Variants in KLHL5 observed in about 807,000 individuals in gnomAD.
The protein encoded by KLHL5 is kelch-like protein 5.
KLHL5 carries 48 observed loss-of-function variants against 77.7 expected under a neutral mutation model. That is an observed-to-expected ratio of 0.62 (90% CI 0.49 to 0.79). The LOEUF is 0.79. Among genes scored for constraint, KLHL5 ranks in the 30% least tolerant of loss-of-function variants. KLHL5 has a pLI of 0.00. For missense variants in KLHL5, 723 were observed against 859.7 expected (o/e 0.84, Z 1.99); for synonymous variants, 260 against 297.0 (o/e 0.88, Z 1.28).
At chr4:39,049,657 C>T (rs1043276343) in intron 1 of KLHL5, among the ~76,000 whole-genome samples, 48 of 151,830 alleles carry the variant, frequency 3.2e-4, no homozygotes, top group African/African-American at 1.1e-3. Flanking sequence ...CATGATCAGG[C>T]CACTGCCCTC....
At chr4:39,098,135 C>CA (rs571749349) in intron 6 of KLHL5, among the ~76,000 whole-genome samples, 1,058 of 70,624 alleles carry the variant, frequency 0.015, 13 homozygotes, top group Middle Eastern at 0.092. Context: ...GAATCCATCT[C>CA]AAAAAAAAAA....
intron 1 of KLHL5, among the ~76,000 whole-genome samples, chr4:39,047,305 C>A (rs1716265982): frequency 6.6e-6 from 1 of 152,146 alleles, no homozygotes; most frequent in Non-Finnish European, 1.5e-5. Flanking sequence ...GTAGTCCCAG[C>A]TACTAAGGAG....
At chr4:39,128,811 T>A (rs1723676377), downstream of KLHL5, among the ~76,000 whole-genome samples, 1 of 151,898 alleles carries the variant, frequency 6.6e-6, no homozygotes, top group Non-Finnish European at 1.5e-5. Flanking sequence ...ATATGTTTTT[T>A]AAAAATTAGC....
chr4:39,076,971 C>T (rs1443656667), intron 2 of KLHL5, among the ~76,000 whole-genome samples: 3 of 150,818 alleles, frequency 2.0e-5, no homozygotes, highest in Non-Finnish European at 4.5e-5. Flanking sequence ...GAAAGAATGT[C>T]TGTAAGTTAA....
At position 39,076,040 on chromosome 4, in the gene KLHL5, C is replaced by T; in HGVS notation, c.459C>T (p.Ala153=). 1 of 1,611,494 alleles carries T rather than the reference C, an allele frequency of 6.2e-7. No individual in the cohort carries two copies. The highest frequency in any genetic ancestry group is 8.5e-7 in the Non-Finnish European group (1 of 1,179,092). The change falls in exon 2 of 11, where the codon GCC becomes GCT. Residue 153 remains alanine, a synonymous_variant. Transcript: ENST00000504108. ...EPCTSDEFFQ[A]LNHAEQTFKK... ...GTACATCAGATGAATTTTTCCAAGC[C>T]CTTAATCATGCCGAGCAAACATTTA...
At position 39,121,384 on chromosome 4, in the gene KLHL5, A is replaced by G; in HGVS notation, c.*318A>G. ...GGGGGTTTCATTTATTCAGTCAAGC[A>G]CATCTTACTCACATCCAGATTTATT... is the stretch of plus-strand genomic sequence containing the variant. On this transcript the variant is annotated 3_prime_UTR_variant, in exon 11 of 11. Transcript: ENST00000504108. The G allele has an allele frequency of 3.4e-6, 1 of 291,556 alleles. No homozygotes were observed. Among genetic ancestry groups the G allele is most frequent in the South Asian group, 6.2e-5 (1 of 16,196 alleles). The allele number at this position is 291,556 out of a possible 1,614,324, so 18.1% of individuals were successfully genotyped here.
intron 5 of KLHL5, among the ~76,000 whole-genome samples, chr4:39,090,313 C>A (rs1012504361): frequency 6.6e-6 from 1 of 152,076 alleles, no homozygotes; most frequent in Non-Finnish European, 1.5e-5. Context: ...ATGAAACATT[C>A]CACTTACCCT....
chr4:39,112,945 A>G (rs949998999), intron 8 of KLHL5, 75 bp from the exon 9 acceptor site: 1 of 1,299,048 alleles, frequency 7.7e-7, no homozygotes, highest in African/African-American at 1.5e-5. Context: ...ATGAGATAAC[A>G]ACATAAGAAG....
At chr4:39,103,623 C>A in intron 7 of KLHL5, 112 bp downstream of exon 7, 1 of 781,610 alleles carries the variant, frequency 1.3e-6, no homozygotes, top group Non-Finnish European at 2.1e-6. Flanking sequence ...GCAGCAGTCA[C>A]CAAGCATTCC....
downstream of KLHL5, among the ~76,000 whole-genome samples, chr4:39,128,887 G>A (rs138432219): frequency 2.0e-4 from 31 of 152,186 alleles, no homozygotes; most frequent in East Asian, 5.2e-3. Flanking sequence ...GATTGCCTGA[G>A]CCTGGGAGGC....
chr4:39,075,865 T>G, intron 1 of KLHL5, 100 bp from the exon 2 acceptor site: 1 of 925,468 alleles, frequency 1.1e-6, no homozygotes, highest in Non-Finnish European at 1.7e-6. Context: ...GTAGCATTGA[T>G]TTCTTCTATT....
At chr4:39,059,958 A>C (rs866541592), upstream of KLHL5, among the ~76,000 whole-genome samples, 1 of 152,108 alleles carries the variant, frequency 6.6e-6, no homozygotes, top group Non-Finnish European at 1.5e-5. Context: ...CCTGGCAATA[A>C]ATTCTGTAGA....
the KLHL5 span, among the ~76,000 whole-genome samples, chr4:39,142,267 C>T: frequency 3.3e-5 from 5 of 151,820 alleles, no homozygotes; most frequent in Non-Finnish European, 7.4e-5. Flanking sequence ...TGGTGGCGGG[C>T]GCCTGTAATC....
In KLHL5 at chr4:39,100,593, C is replaced by G. The variant is rs140310732; in HGVS notation, c.1301-2694C>G. 1.6e-3 allele frequency among the ~76,000 whole-genome samples: 249 copies of G among 152,256 alleles called. 1 individual carries two copies. The highest frequency in any genetic ancestry group is 5.7e-3 in the African/African-American group (239 of 41,570). ...CTTAAGCAACTTTCCAAAGATTAGA[C>G]AACTAATTAGTGATAAGATCAAGAT... On this transcript the variant is annotated intron_variant, in intron 6 of 10. Coordinates refer to ENST00000504108, the MANE Select transcript of KLHL5 (RefSeq NM_015990.5).
chr4:39,115,781 C>T (rs10018049), intron 10 of KLHL5: 595,445 of 1,046,764 alleles, frequency 0.57, 171,152 homozygotes, highest in Admixed American at 0.59. Context: ...AGATGGCAAC[C>T]CTAAATTACA....
intron 4 of KLHL5, among the ~76,000 whole-genome samples, chr4:39,083,303 GT>G (rs1193597531): frequency 3.3e-5 from 5 of 152,138 alleles, no homozygotes; most frequent in African/African-American, 1.2e-4. Flanking sequence ...TGATTGGCAT[GT>G]CATATATCCA....
chr4:39,065,298 C>A (rs1304608286), intron 1 of KLHL5, among the ~76,000 whole-genome samples: 1 of 151,846 alleles, frequency 6.6e-6, no homozygotes, highest in Non-Finnish European at 1.5e-5. Context: ...AGTAGTTGTT[C>A]ACCTACTGTA....
At chr4:39,069,733 T>C (rs1718298443) in intron 1 of KLHL5, among the ~76,000 whole-genome samples, 1 of 152,050 alleles carries the variant, frequency 6.6e-6, no homozygotes, top group South Asian at 2.1e-4. Context: ...CTCAATCTTA[T>C]TGTACATATT....
At chr4:39,117,812 C>T (rs1480808530) in intron 10 of KLHL5, among the ~76,000 whole-genome samples, 2 of 152,158 alleles carry the variant, frequency 1.3e-5, no homozygotes, top group Non-Finnish European at 2.9e-5. Context: ...CGGTGGCTCA[C>T]ACCTGTAATC....
Sources: allele counts gnomAD v4.1 joint callset (sites outside exome capture counted in the v4.1 genomes callset), GRCh38; gene constraint gnomAD v4.1.1; transcripts MANE v1.5; gene names NCBI Gene and HGNC (gene_info 2026-07-23, HGNC 2026-07-21).